PLCH2: variants seen among roughly 807,000 people sequenced by gnomAD.
PLCH2 encodes 1-phosphatidylinositol 4,5-bisphosphate phosphodiesterase eta-2.
A neutral mutation model predicts 134.7 loss-of-function variants in PLCH2; 98 were observed. The ratio of observed to expected loss-of-function variants is 0.73; its 90% confidence interval spans 0.62 to 0.86. The LOEUF is 0.86. Among genes scored for constraint, PLCH2 ranks in the 40% least tolerant of loss-of-function variants. The probability of loss-of-function intolerance (pLI) is 0.00; values close to 1 mark genes in which losing one functional copy is unlikely to be tolerated. For missense variants in PLCH2, 1,994 were observed against 1,986.6 expected, an observed-to-expected ratio of 1.00 and a Z score of -0.07; for synonymous variants, 974 against 827.5, an observed-to-expected ratio of 1.18 and a Z score of -3.04.
intron 2 of PLCH2, among the ~76,000 whole-genome samples, chr1:2,440,018 G>T (rs1044634984): frequency 2.6e-5 from 4 of 152,138 alleles, no homozygotes; most frequent in Admixed American, 2.6e-4. Flanking sequence ...GCAGGGGTGG[G>T]CAGGGGGCCT....
chr1:2,429,014 G>A (rs996582397), intron 1 of PLCH2, among the ~76,000 whole-genome samples: 2 of 152,160 alleles, frequency 1.3e-5, no homozygotes, highest in Admixed American at 6.5e-5. Flanking sequence ...CAGAGGTGCC[G>A]GGCCAGCCAA....
Position 2,494,958 on chromosome 1 carries a change from A to G in PLCH2, c.1752+10A>G. On this transcript the variant is annotated intron_variant, in intron 12 of 21. Coordinates refer to ENST00000378486, the MANE Select transcript of PLCH2 (RefSeq NM_014638.4). ...CTTCTCCAGGCGCAAGGTCCGGCGCAGCTCCCAGGCCAGGGTCCCGGTCTG... is the reference window on the plus strand; with the variant it reads ...CTTCTCCAGGCGCAAGGTCCGGCGCGGCTCCCAGGCCAGGGTCCCGGTCTG... 1 of 1,570,226 alleles carries G rather than the reference A, an allele frequency of 6.4e-7. No individual in the cohort carries two copies.
the PLCH2 span, among the ~76,000 whole-genome samples, chr1:2,417,673 C>T: frequency 1.0e-3 from 159 of 152,290 alleles, 3 homozygotes; most frequent in South Asian, 0.031. Context: ...CGGTGAGGGG[C>T]TGTGTGCTGG....
intron 2 of PLCH2, among the ~76,000 whole-genome samples, chr1:2,440,010 AGGGGT>A (rs1639615637): frequency 6.6e-6 from 1 of 151,980 alleles, no homozygotes; most frequent in African/African-American, 2.4e-5. Context: ...GAAACCAGGC[AGGGGT>A]GGGCAGGGGG....
At chr1:2,477,694 G>C (rs1641708658) in intron 1 of PLCH2, among the ~76,000 whole-genome samples, 1 of 152,202 alleles carries the variant, frequency 6.6e-6, no homozygotes, top group Non-Finnish European at 1.5e-5. Context: ...GGAGGGGAGA[G>C]AAGGAGCGAG....
chr1:2,435,267 G>A (rs1639275234), intron 2 of PLCH2, among the ~76,000 whole-genome samples: 1 of 152,238 alleles, frequency 6.6e-6, no homozygotes, highest in Non-Finnish European at 1.5e-5. Flanking sequence ...AGGCCGGGCA[G>A]GGGCTGTGGG....
chr1:2,448,330 C>T lies in PLCH2; in HGVS notation c.115+17701C>T, dbSNP rs1009754282. The stretch of plus-strand genomic sequence containing the variant: ...GGGCCGCGCTCCCTCTGCAGGCTCC[C>T]CGGGAGGAACTTCCTGGCCTCCTCC... On this transcript the variant is annotated intron_variant, in intron 2 of 3. Transcript: ENST00000609981. The surrounding 1 kb of genome is among the most constrained non-coding windows in gnomAD (Gnocchi z 4.0). Among the ~76,000 whole-genome samples, 5 of 152,064 alleles carry T rather than the reference C, an allele frequency of 3.3e-5. No individual in the cohort carries two copies. The highest frequency in any genetic ancestry group is 1.2e-4 in the African/African-American group (5 of 41,400).
upstream of PLCH2, among the ~76,000 whole-genome samples, chr1:2,424,786 G>A (rs1195396850): frequency 6.6e-6 from 1 of 152,190 alleles, no homozygotes; most frequent in Admixed American, 6.5e-5. Flanking sequence ...AGGAGATCGA[G>A]ACCATCCTGG....
chr1:2,492,770 G>A (rs535607722), intron 11 of PLCH2, among the ~76,000 whole-genome samples: 2 of 152,256 alleles, frequency 1.3e-5, no homozygotes, highest in South Asian at 4.1e-4. Flanking sequence ...ATCCCACTGA[G>A]GGACACTTGT....
chr1:2,448,025 A>G lies in PLCH2; in HGVS notation c.115+17396A>G, dbSNP rs1046634467. Among the ~76,000 whole-genome samples the G allele has an allele frequency of 8.5e-5, 13 of 152,120 alleles. No individual in the cohort carries two copies. The highest frequency in any genetic ancestry group is 3.1e-4 in the African/African-American group (13 of 41,414). ...GCCGCAGTGCCTGTGGGTGGAGGGCATGGTGCCCCTGGCTGCTGTGGTCCT... is the reference window on the plus strand; with the variant it reads ...GCCGCAGTGCCTGTGGGTGGAGGGCGTGGTGCCCCTGGCTGCTGTGGTCCT... On this transcript the variant is annotated intron_variant, in intron 2 of 3. Transcript: ENST00000609981. This position sits in a 1 kb window ranked among gnomAD's most constrained non-coding sequence, Gnocchi z 4.0.
chr1:2,498,559 G>C lies in PLCH2; in HGVS notation c.2261G>C (p.Gly754Ala). The change falls in exon 17 of 22, where the codon GGG becomes GCG. Residue 754 changes from glycine to alanine, a missense_variant. This residue lies in a region of PLCH2 where 1,094 missense variants were observed against 1,234.3 expected (regional missense o/e 0.89). Coordinates refer to ENST00000378486, the MANE Select transcript of PLCH2 (RefSeq NM_014638.4). The surrounding 1 kb of genome is among the most constrained non-coding windows in gnomAD (Gnocchi z 5.4). ...FNPNSEDPLP[G>A]QLKKQLVLRI... ...CCCAACTCGGAGGACCCCCTGCCCG[G>C]GCAGCTCAAGAAGCAGCTGGTGCTC... 1 of 1,606,902 alleles carries C rather than the reference G, an allele frequency of 6.2e-7. No individual in the cohort carries two copies.
rs1292850121 is a variant in PLCH2, at chr1:2,497,601, T to C, written c.2216T>C (p.Met739Thr). ...GGCTACGTACTCAAGCCTGGGTGCA[T>C]GTGCCAGGGTGAGGCACTCGGACAC... ...GCGYVLKPGC[M>T]CQGVFNPNSE... The change falls in exon 16 of 22, where the codon ATG becomes ACG. Residue 739 changes from methionine to threonine, a missense_variant. Around this residue, in one of 2 missense-constraint regions of PLCH2, gnomAD observed 1,094 missense variants for 1,234.3 expected, o/e 0.89. Transcript: ENST00000378486. 1.9e-6 allele frequency: 3 copies of C among 1,555,074 alleles called. No individual in the cohort carries two copies. The highest frequency in any genetic ancestry group is 2.6e-6 in the Non-Finnish European group (3 of 1,148,804).
At chr1:2,502,000 C>A in intron 20 of PLCH2, 112 bp from the exon 21 acceptor site, 1 of 1,023,944 alleles carries the variant, frequency 9.8e-7, no homozygotes, top group South Asian at 1.8e-5. Context: ...GCCCCTCGGA[C>A]CGAGACACGC....
At chr1:2,468,192 C>A (rs1247649316) in intron 1 of PLCH2, among the ~76,000 whole-genome samples, 1 of 152,176 alleles carries the variant, frequency 6.6e-6, no homozygotes, top group Non-Finnish European at 1.5e-5. Flanking sequence ...CCCTGAGCTG[C>A]AGTCAGCACC....
intron 2 of PLCH2, among the ~76,000 whole-genome samples, chr1:2,458,974 GTC>G (rs150690037): frequency 0.035 from 5,273 of 152,384 alleles, 179 homozygotes; most frequent in African/African-American, 0.089. Flanking sequence ...GGCCACGCCG[GTC>G]TTGCAGCGTG....
In PLCH2 at chr1:2,483,831, TGG is replaced by T. The variant is rs35850445; in HGVS notation, c.646-613_646-612del. ...TGTGGGGGTGGCGCTGACCCCCGTG[TGG>T]GGGTGGCGCTGACCCCCGTGTGGGG... On this transcript the variant is annotated intron_variant, in intron 4 of 21. Coordinates refer to ENST00000378486, the MANE Select transcript of PLCH2 (RefSeq NM_014638.4). Among the ~76,000 whole-genome samples, 320 of 70,682 alleles carry T rather than the reference TGG, an allele frequency of 4.5e-3. 71 individuals are homozygous for T. Among genetic ancestry groups the T allele is most frequent in the African/African-American group, 0.019 (282 of 14,620 alleles). The allele number at this position is 70,682 out of a possible 152,430, so 46.4% of individuals were successfully genotyped here.
At chr1:2,495,410 C>T in intron 12 of PLCH2, 78 bp from the exon 13 acceptor site, 1 of 1,267,548 alleles carries the variant, frequency 7.9e-7, no homozygotes, top group Non-Finnish European at 1.1e-6. Context: ...AGGATAGGCC[C>T]TCCCCAACCC....
At chr1:2,416,751 C>T in the PLCH2 span, among the ~76,000 whole-genome samples, 2 of 152,176 alleles carry the variant, frequency 1.3e-5, no homozygotes, top group African/African-American at 4.8e-5. Context: ...GAGGTTAGGA[C>T]AGGGGTGCAG....
At chr1:2,467,437 CCCTCGCCTT>C (rs993738035), upstream of PLCH2, 609 of 355,364 alleles carry the variant, frequency 1.7e-3, 7 homozygotes, top group East Asian at 0.018. Flanking sequence ...TCCCGCCTTC[CCCTCGCCTT>C]CCTCACCTTC....
Sources: gnomAD v4.1 joint callset for allele counts (sites outside exome capture counted in the v4.1 genomes callset) on GRCh38, gnomAD v4.1.1 for gene constraint, gnomAD v4.1.1 regional missense constraint, Gnocchi (gnomAD v3.1) non-coding constraint, MANE v1.5 for transcripts, NCBI Gene and HGNC (gene_info 2026-07-23, HGNC 2026-07-21) for gene names.